The following XKR4 variants were observed in gnomAD, a reference collection of about 807,000 sequenced individuals.
XKR4 encodes XK-related protein 4.
XKR4 carries 12 observed loss-of-function variants against 53.9 expected under a neutral mutation model. The observed-to-expected ratio is 0.22, with a 90% confidence interval of 0.14 to 0.36. The LOEUF is 0.36. Among genes scored for constraint, XKR4 ranks in the 10% least tolerant of loss-of-function variants. The pLI, the probability that XKR4 is intolerant of heterozygous loss-of-function variation, is 1.00. For missense variants in XKR4, 799 were observed against 859.5 expected (o/e 0.93, Z 0.88); for synonymous variants, 354 against 362.4 (o/e 0.98, Z 0.26).
intron 1 of XKR4, among the ~76,000 whole-genome samples, chr8:55,180,135 T>C (rs1316961944): frequency 6.6e-6 from 1 of 152,208 alleles, no homozygotes. Flanking sequence ...TAAATCATCT[T>C]AGGTTAGATA....
intron 2 of XKR4, among the ~76,000 whole-genome samples, chr8:55,468,493 T>C (rs1805815024): frequency 6.6e-6 from 1 of 152,086 alleles, no homozygotes; most frequent in Non-Finnish European, 1.5e-5. Context: ...ACATGTCTTA[T>C]TTAAAAAAAA....
At chr8:55,268,190 T>G (rs112970621) in intron 1 of XKR4, among the ~76,000 whole-genome samples, 159 of 152,198 alleles carry the variant, frequency 1.0e-3, no homozygotes, top group African/African-American at 3.7e-3. Flanking sequence ...TTCACGAGAT[T>G]AAAACGAATG....
intron 2 of XKR4, among the ~76,000 whole-genome samples, chr8:55,515,556 C>A (rs1806699864): frequency 6.6e-6 from 1 of 152,192 alleles, no homozygotes; most frequent in Admixed American, 6.5e-5. Context: ...CATTTTGTGA[C>A]CTGCTACTCT....
At chr8:55,140,206 A>T (rs1047383823) in intron 1 of XKR4, 1 of 409,672 alleles carries the variant, frequency 2.4e-6, no homozygotes, top group Non-Finnish European at 4.8e-6. Context: ...GGTGAGTTCC[A>T]TCTGCAGACT....
At chr8:55,275,886 C>T (rs547062600) in intron 1 of XKR4, among the ~76,000 whole-genome samples, 4 of 152,288 alleles carry the variant, frequency 2.6e-5, no homozygotes, top group South Asian at 4.1e-4. Flanking sequence ...GACCATGAGC[C>T]GGGACTGTCC....
intron 1 of XKR4, among the ~76,000 whole-genome samples, chr8:55,216,975 G>T (rs1429194206): frequency 6.6e-6 from 1 of 151,066 alleles, no homozygotes; most frequent in Non-Finnish European, 1.5e-5. Context: ...AGGCGCAGTG[G>T]CTTACGCCTA....
Position 55,194,364 on chromosome 8 carries a change from T to TA in XKR4, c.806+91071dup, listed in dbSNP as rs199788602. ...AGGGAGATCTCAAGGCTGACCCACTTAGAGGACCTCACAGCCAAGGCAAGT... is the reference window on the plus strand; with the variant it reads ...AGGGAGATCTCAAGGCTGACCCACTTAAGAGGACCTCACAGCCAAGGCAAGT... On this transcript the variant is annotated intron_variant, in intron 1 of 2. Transcript: ENST00000327381. 2.1e-3 allele frequency among the ~76,000 whole-genome samples: 324 copies of TA among 152,280 alleles called. 1 individual carries two copies. The highest frequency in any genetic ancestry group is 7.3e-3 in the African/African-American group (303 of 41,566).
At chr8:55,210,147 T>G (rs529361885) in intron 1 of XKR4, among the ~76,000 whole-genome samples, 56 of 151,684 alleles carry the variant, frequency 3.7e-4, no homozygotes, top group Non-Finnish European at 4.4e-5. Context: ...TGCAGTGGCG[T>G]GATCTTGGCT....
intron 1 of XKR4, among the ~76,000 whole-genome samples, chr8:55,127,721 TCCCTCCC>T (rs1401093296): frequency 8.2e-6 from 1 of 122,458 alleles, no homozygotes; most frequent in East Asian, 2.7e-4. Flanking sequence ...CCTAATGCTA[TCCCTCCC>T]CCCTCCCCCA....
intron 1 of XKR4, among the ~76,000 whole-genome samples, chr8:55,312,416 T>C (rs1819401971): frequency 6.6e-6 from 1 of 152,204 alleles, no homozygotes; most frequent in Non-Finnish European, 1.5e-5. Flanking sequence ...ATATAGCCAA[T>C]TACAAAGGCA....
chr8:55,255,595 AC>A (rs879308375), intron 1 of XKR4, among the ~76,000 whole-genome samples: 15 of 152,162 alleles, frequency 9.9e-5, no homozygotes, highest in Non-Finnish European at 1.9e-4. Flanking sequence ...TAAATGAACA[AC>A]CAAATCTAAA....
intron 1 of XKR4, among the ~76,000 whole-genome samples, chr8:55,163,204 T>G (rs909668150): frequency 6.6e-6 from 1 of 152,240 alleles, no homozygotes; most frequent in Non-Finnish European, 1.5e-5. Context: ...CTTAAGCCTC[T>G]GATCTCTGTT....
At chr8:55,501,515 T>C (rs182021304) in intron 2 of XKR4, among the ~76,000 whole-genome samples, 1 of 152,278 alleles carries the variant, frequency 6.6e-6, no homozygotes, top group East Asian at 1.9e-4. Flanking sequence ...TCTATGAATA[T>C]GACTACTCTA....
intron 2 of XKR4, among the ~76,000 whole-genome samples, chr8:55,461,224 C>A (rs1222542631): frequency 1.3e-5 from 2 of 152,238 alleles, no homozygotes; most frequent in East Asian, 1.9e-4. Flanking sequence ...AGGCACCCCC[C>A]AGTAGGGGCG....
chr8:55,377,886 A>G (rs992336479), intron 2 of XKR4, among the ~76,000 whole-genome samples: 2 of 152,216 alleles, frequency 1.3e-5, no homozygotes, highest in African/African-American at 4.8e-5. Context: ...TGTTTAATTT[A>G]GTGAGTTCTA....
At chr8:55,448,442 C>A (rs1403031618) in intron 2 of XKR4, among the ~76,000 whole-genome samples, 4 of 152,224 alleles carry the variant, frequency 2.6e-5, no homozygotes, top group Non-Finnish European at 5.9e-5. Flanking sequence ...TGAATCCAGG[C>A]AAACCCATGC....
intron 2 of XKR4, among the ~76,000 whole-genome samples, chr8:55,428,605 G>A (rs1805054110): frequency 6.6e-6 from 1 of 152,180 alleles, no homozygotes; most frequent in Non-Finnish European, 1.5e-5. Context: ...GCTAGGCAGC[G>A]AGTCTGCTTT....
chr8:55,508,283 C>G (rs62516364), intron 2 of XKR4, among the ~76,000 whole-genome samples: 1 of 152,108 alleles, frequency 6.6e-6, no homozygotes, highest in African/African-American at 2.4e-5. Flanking sequence ...AATAAGCAGT[C>G]CCTGATCCAG....
At chr8:55,437,312 T>G (rs1034831703) in intron 2 of XKR4, among the ~76,000 whole-genome samples, 2 of 152,196 alleles carry the variant, frequency 1.3e-5, no homozygotes, top group Non-Finnish European at 2.9e-5. Context: ...ATTACAGGCA[T>G]GAGCCACTGT....
Sources: gnomAD v4.1 joint callset for allele counts (sites outside exome capture counted in the v4.1 genomes callset) on GRCh38, gnomAD v4.1.1 for gene constraint, MANE v1.5 for transcripts, NCBI Gene and HGNC (gene_info 2026-07-23, HGNC 2026-07-21) for gene names.